TLN2: variants seen among roughly 807,000 people sequenced by gnomAD.
TLN2 encodes talin 2, also known as talin-2.
TLN2 carries 118 observed loss-of-function variants against 294.7 expected under a neutral mutation model. The ratio of observed to expected loss-of-function variants is 0.40; its 90% CI spans 0.34 to 0.47. The LOEUF (loss-of-function observed/expected upper bound fraction) is 0.47. TLN2 is among the 20% of genes least tolerant of loss of function. The probability of loss-of-function intolerance (pLI) is 0.84; values close to 1 mark genes in which losing one functional copy is unlikely to be tolerated. For synonymous variants in TLN2, 1,431 were observed against 1,304.5 expected (o/e 1.10, Z -2.09); for missense variants, 3,083 against 3,282.2 (o/e 0.94, Z 1.48).
chr15:62,453,191 A>G (rs563969793), intron 1 of TLN2, among the ~76,000 whole-genome samples: 3 of 152,108 alleles, frequency 2.0e-5, no homozygotes, highest in East Asian at 3.9e-4. Context: ...GCGGTTGGCT[A>G]GAAAGATTTT....
chr15:62,699,142 G>T (rs1282586124), intron 16 of TLN2, among the ~76,000 whole-genome samples: 2 of 152,170 alleles, frequency 1.3e-5, no homozygotes, highest in Non-Finnish European at 2.9e-5. Context: ...AGTACTGGCT[G>T]TGTGAATCTG....
intron 1 of TLN2, among the ~76,000 whole-genome samples, chr15:62,562,795 G>A (rs903436295): frequency 6.6e-6 from 1 of 151,848 alleles, no homozygotes; most frequent in Non-Finnish European, 1.5e-5. Flanking sequence ...AATATATGAT[G>A]TTTGGTTTTC....
At chr15:62,633,039 C>T (rs998327371) in intron 3 of TLN2, among the ~76,000 whole-genome samples, 2 of 152,224 alleles carry the variant, frequency 1.3e-5, no homozygotes, top group African/African-American at 4.8e-5. Flanking sequence ...CTCTTCCCTA[C>T]TTGGCTGGAA....
chr15:62,681,782 A>G (rs1421989989), intron 11 of TLN2, among the ~76,000 whole-genome samples: 2 of 152,180 alleles, frequency 1.3e-5, no homozygotes, highest in African/African-American at 4.8e-5. Context: ...ATATTTGATT[A>G]ATTTAATTTT....
intron 1 of TLN2, among the ~76,000 whole-genome samples, chr15:62,574,245 A>T (rs1267927286): frequency 6.6e-6 from 1 of 151,478 alleles, no homozygotes; most frequent in Non-Finnish European, 1.5e-5. Context: ...TCATCTAGAA[A>T]TTTTTTTTGC....
intron 1 of TLN2, among the ~76,000 whole-genome samples, chr15:62,467,796 C>T (rs1296014373): frequency 1.3e-5 from 2 of 152,220 alleles, no homozygotes; most frequent in Non-Finnish European, 2.9e-5. Context: ...AAACCTCAGA[C>T]TTGCTGTGAA....
intron 3 of TLN2, among the ~76,000 whole-genome samples, chr15:62,629,282 G>C (rs1455053762): frequency 6.6e-6 from 1 of 152,204 alleles, no homozygotes; most frequent in Non-Finnish European, 1.5e-5. Flanking sequence ...TGTGACCTTG[G>C]ATGGAGTAAA....
At chr15:62,425,588 T>A (rs879890452) in intron 1 of TLN2, among the ~76,000 whole-genome samples, 1 of 152,230 alleles carries the variant, frequency 6.6e-6, no homozygotes, top group Non-Finnish European at 1.5e-5. Flanking sequence ...TTGTATCAGC[T>A]TTTTAATATT....
intron 1 of TLN2, among the ~76,000 whole-genome samples, chr15:62,399,256 C>CAAAA (rs546678440): frequency 0.093 from 5,432 of 58,410 alleles, 1,209 homozygotes; most frequent in Middle Eastern, 0.15. Context: ...CCGTCTCAAA[C>CAAAA]AAAAAAAAAA....
chr15:62,640,897 G>T (rs1432136235), intron 3 of TLN2, among the ~76,000 whole-genome samples: 1 of 152,098 alleles, frequency 6.6e-6, no homozygotes, highest in African/African-American at 2.4e-5. Context: ...TACCTCCCGG[G>T]TTCCAGCAAT....
rs565020632 is a variant in TLN2, at chr15:62,644,086, T to A, written c.-36-3189T>A. ...CATACTTGCTCAGGAGACAAGTCTA[T>A]ACCTGCTGGGCCACCCCTCTCTTCC... is the stretch of plus-strand genomic sequence containing the variant. On this transcript the variant is annotated intron_variant, in intron 3 of 58. Coordinates refer to ENST00000636159, the MANE Select transcript of TLN2 (RefSeq NM_015059.3). Among the ~76,000 whole-genome samples the A allele has an allele frequency of 9.9e-5, 15 of 152,138 alleles. 1 individual carries two copies. In the East Asian group the frequency reaches 2.3e-3, roughly 24 times the overall value.
intron 1 of TLN2, among the ~76,000 whole-genome samples, chr15:62,564,497 A>G (rs2043222875): frequency 6.6e-6 from 1 of 152,220 alleles, no homozygotes; most frequent in South Asian, 2.1e-4. Context: ...AGCACTACAG[A>G]AGGTTGTGCT....
chr15:62,715,150 A>T (rs1408491573), intron 22 of TLN2, among the ~76,000 whole-genome samples: 1 of 152,278 alleles, frequency 6.6e-6, no homozygotes. Context: ...GGGTTGCCAA[A>T]AGAATTCTAC....
chr15:62,640,069 G>C (rs570050156), intron 3 of TLN2: 208 of 438,166 alleles, frequency 4.7e-4, no homozygotes, highest in Non-Finnish European at 8.4e-4. Context: ...AGCCCAGACT[G>C]TCCTGCCGAG....
chr15:62,820,900 C>T (rs1310905537), intron 54 of TLN2, among the ~76,000 whole-genome samples: 1 of 152,184 alleles, frequency 6.6e-6, no homozygotes, highest in Non-Finnish European at 1.5e-5. Flanking sequence ...GTGTTGGATG[C>T]TTTCTGTCAG....
chr15:62,560,103 T>TGGGAAGGTA (rs1406712770), intron 1 of TLN2, among the ~76,000 whole-genome samples: 1 of 152,088 alleles, frequency 6.6e-6, no homozygotes, highest in Non-Finnish European at 1.5e-5. Flanking sequence ...TTCGGGAAAG[T>TGGGAAGGTA]GGGAAGGTAG....
intron 37 of TLN2, among the ~76,000 whole-genome samples, chr15:62,756,897 T>C (rs573236050): frequency 6.6e-6 from 1 of 151,518 alleles, no homozygotes; most frequent in South Asian, 2.1e-4. Context: ...CAAAGAGTCT[T>C]TTTTTTTAGA....
intron 1 of TLN2, among the ~76,000 whole-genome samples, chr15:62,467,064 G>A (rs2037174994): frequency 6.6e-6 from 1 of 152,224 alleles, no homozygotes; most frequent in African/African-American, 2.4e-5. Flanking sequence ...ATATAGAGAT[G>A]TGTGGGCAGA....
intron 1 of TLN2, among the ~76,000 whole-genome samples, chr15:62,479,485 A>AT (rs1366826702): frequency 7.1e-4 from 107 of 150,612 alleles, no homozygotes; most frequent in African/African-American, 2.1e-3. Flanking sequence ...CTTTATTTTT[A>AT]TTTTTTTTTG....
Sources: gnomAD v4.1 joint callset for allele counts (sites outside exome capture counted in the v4.1 genomes callset) on GRCh38, gnomAD v4.1.1 for gene constraint, MANE v1.5 for transcripts, NCBI Gene and HGNC (gene_info 2026-07-23, HGNC 2026-07-21) for gene names.